The following FGF21 variants were observed in gnomAD, a reference collection of about 807,000 sequenced individuals.
The protein encoded by FGF21 is fibroblast growth factor 21.
Under a neutral mutation model 13.4 loss-of-function variants are expected in FGF21, and 13 were observed. The observed-to-expected ratio is 0.97, with a 90% CI of 0.63 to 1.54. The LOEUF (loss-of-function observed/expected upper bound fraction) is 1.54, where lower values mean the gene tolerates loss of function less well. FGF21 is among the 40% of genes most tolerant of loss of function. The probability of loss-of-function intolerance (pLI) is 0.00; values close to 1 mark genes in which losing one functional copy is unlikely to be tolerated. For missense variants in FGF21, 303 were observed against 272.4 expected, an observed-to-expected ratio of 1.11 and a Z score of -0.79; for synonymous variants, 124 against 123.6, an observed-to-expected ratio of 1.00 and a Z score of -0.02.
rs370017795 is a variant in FGF21 at position 48,757,950 on chromosome 19, C to T, written c.360C>T (p.Ala120=). The change falls in exon 4 of 4, where the codon GCC becomes GCT. Residue 120 remains alanine (A), a synonymous_variant. Transcript: ENST00000593756. ...CCTAGCTCCACTTTGACCCTGAGGC[C>T]TGCAGCTTCCGGGAGCTGCTTCTTG... ...LYGSLHFDPE[A]CSFRELLLED... 1.9e-6 allele frequency: 3 copies of T among 1,577,928 alleles called. No individual in the cohort carries two copies. The highest frequency in any genetic ancestry group is 2.6e-6 in the Non-Finnish European group (3 of 1,161,490).
Position 48,756,988 on chromosome 19 carries a change from A to G in FGF21, c.298A>G (p.Arg100Gly), listed in dbSNP as rs1329137779. 6.2e-7 allele frequency: 1 copy of G among 1,613,984 alleles called. No homozygotes were observed. The highest frequency in any genetic ancestry group is 8.5e-7 in the Non-Finnish European group (1 of 1,179,984). Reference sequence around the variant, plus strand: ...TCAAATCTTGGGAGTCAAGACATCCAGGTTCCTGTGCCAGCGGCCAGATGG... The same window carrying G: ...TCAAATCTTGGGAGTCAAGACATCCGGGTTCCTGTGCCAGCGGCCAGATGG... ...VIQILGVKTS[R>G]FLCQRPDGAL... Residue 100 changes from arginine (R) to glycine (G), a missense_variant, in exon 3 of 4, where the codon AGG becomes GGG. By Grantham distance (125) the Arg-to-Gly change is moderately radical (BLOSUM62 -2). Coordinates refer to ENST00000593756, the MANE Select transcript of FGF21 (RefSeq NM_019113.4).
At chr19:48,757,826 C>T in intron 3 of FGF21, 104 bp from the exon 4 acceptor site, 3 of 1,122,752 alleles carry the variant, frequency 2.7e-6, no homozygotes, top group Non-Finnish European at 3.8e-6. Flanking sequence ...GCGCTGGGGG[C>T]CTGGACCCCT....
intron 2 of FGF21, 92 bp from the exon 3 acceptor site, chr19:48,756,834 G>A (rs1254511836): frequency 1.9e-6 from 2 of 1,042,742 alleles, no homozygotes; most frequent in Non-Finnish European, 1.5e-6. Flanking sequence ...TCCCAGGGCT[G>A]GGACAGAGCC....
Position 48,755,788 on chromosome 19 carries a change from C to G in FGF21, c.-347+4C>G, listed in dbSNP as rs577161557. 1 of 160,720 alleles carries G rather than the reference C, an allele frequency of 6.2e-6. No individual in the cohort carries two copies. The highest frequency in any genetic ancestry group is 1.9e-4 in the South Asian group (1 of 5,384). 10.0% of individuals were successfully genotyped at this position (160,720 alleles called of 1,614,324 possible). A position where few individuals can be genotyped will look rare whatever the true frequency, so the allele number is the denominator to read the frequency against. On this transcript the variant is annotated splice_donor_region_variant and intron_variant, in intron 1 of 3. Transcript: ENST00000593756. ...ACCCCTCCTCCCTCCGACTCAGGTG[C>G]TTGAGACCCCAGATCCTTCTCTCTG...
At chr19:48,756,586 TGGGGATCTGGACTCCTGGGTCTGA>T in intron 2 of FGF21, 115 bp downstream of exon 2, 2 of 251,864 alleles carry the variant, frequency 7.9e-6, no homozygotes, top group Non-Finnish European at 1.1e-5. Flanking sequence ...GAGGAGGGGC[TGGGGATCTGGACTCCTGGGTCTGA>T]GGGAGGAGGG....
Position 48,756,147 on chromosome 19 carries a change from A to T in FGF21, c.-90A>T. ...GCACTCAGGCCACCTGAGTCTACTC[A>T]CCTGGACAACTGGAATCTGGCACCA... On this transcript the variant is annotated 5_prime_UTR_variant, in exon 2 of 4. Coordinates refer to ENST00000593756, the MANE Select transcript of FGF21 (RefSeq NM_019113.4). 8.7e-7 allele frequency: 1 copy of T among 1,143,854 alleles called. No individual in the cohort carries two copies. The highest frequency in any genetic ancestry group is 1.3e-6 in the Non-Finnish European group (1 of 796,862). 70.9% of individuals were successfully genotyped at this position (1,143,854 alleles called of 1,614,324 possible).
chr19:48,755,827 T>C (rs912326846), intron 1 of FGF21, 43 bp downstream of exon 1: 1 of 173,770 alleles, frequency 5.8e-6, no homozygotes. Flanking sequence ...CTCAGGAATG[T>C]GGGCCCCCAG....
chr19:48,756,487 A>G lies in FGF21; in HGVS notation c.235+16A>G. Reference sequence around the variant, plus strand: ...AGCCCCGAAAGTGAGTGTGGGCCAGAGCCTGGGTCTGAGGGAGGAGGGGCT... The same window carrying G: ...AGCCCCGAAAGTGAGTGTGGGCCAGGGCCTGGGTCTGAGGGAGGAGGGGCT... On this transcript the variant is annotated intron_variant, in intron 2 of 3. Coordinates refer to ENST00000593756, the MANE Select transcript of FGF21 (RefSeq NM_019113.4). 1 of 1,605,724 alleles carries G rather than the reference A, an allele frequency of 6.2e-7. No homozygotes were observed. The highest frequency in any genetic ancestry group is 8.5e-7 in the Non-Finnish European group (1 of 1,176,434).
In FGF21 at chr19:48,758,025, C is replaced by T; in HGVS notation, c.435C>T (p.His145=). 6.2e-7 allele frequency: 1 copy of T among 1,613,350 alleles called. No homozygotes were observed. Among genetic ancestry groups the T allele is most frequent in the Non-Finnish European group, 8.5e-7 (1 of 1,179,712 alleles). ...YQSEAHGLPL[H]LPGNKSPHRD... is the part of the protein sequence containing the mutation. The stretch of plus-strand genomic sequence containing the variant: ...CCGAAGCCCACGGCCTCCCGCTGCA[C>T]CTGCCAGGGAACAAGTCCCCACACC... The change falls in exon 4 of 4, where the codon CAC becomes CAT. Residue 145 remains histidine, a synonymous_variant. Transcript: ENST00000593756.
chr19:48,756,580 AGGGGCTGG>A, intron 2 of FGF21, 109 bp downstream of exon 2: 1 of 264,810 alleles, frequency 3.8e-6, no homozygotes, highest in South Asian at 7.6e-5. Context: ...CTGAGGGAGG[AGGGGCTGG>A]GGATCTGGAC....
At chr19:48,757,101 T>A in intron 3 of FGF21, 72 bp downstream of exon 3, 1 of 1,182,682 alleles carries the variant, frequency 8.5e-7, no homozygotes, top group Non-Finnish European at 1.3e-6. Flanking sequence ...CTGGGGTGCC[T>A]TGTCTTGCTC....
rs1351367377 is a variant in FGF21 at position 48,755,576 on chromosome 19, A to G, written c.-555A>G. 2 of 152,210 alleles carry G rather than the reference A, an allele frequency of 1.3e-5. No homozygotes were observed. The highest frequency in any genetic ancestry group is 2.9e-5 in the Non-Finnish European group (2 of 68,096). 9.4% of individuals were successfully genotyped at this position (152,210 alleles called of 1,614,324 possible). On this transcript the variant is annotated 5_prime_UTR_variant, in exon 1 of 4. Transcript: ENST00000593756. ...CCAGGTGAGAGGCTTCCAAGGCAGG[A>G]TACTTGTGTCTCAGATGCGGTCGCT...
In FGF21 at chr19:48,756,449, C is replaced by T. The variant is rs1211087164; in HGVS notation, c.213C>T (p.Gly71=). ...TCAGGGAGGATGGGACGGTGGGGGG[C>T]GCTGCTGACCAGAGCCCCGAAAGTG... ...LEIREDGTVG[G]AADQSPESLL... The change falls in exon 2 of 4, where the codon GGC becomes GGT. Residue 71 remains glycine (G), a synonymous_variant. Coordinates refer to ENST00000593756, the MANE Select transcript of FGF21 (RefSeq NM_019113.4). 15 of 1,612,968 alleles carry T rather than the reference C, an allele frequency of 9.3e-6. No individual in the cohort carries two copies. Among genetic ancestry groups the T allele is most frequent in the South Asian group, 4.4e-5 (4 of 91,050 alleles).
rs764158006 is a variant in FGF21 at position 48,756,326 on chromosome 19, C to T, written c.90C>T (p.Pro30=). Residue 30 remains proline (P), a synonymous_variant, in exon 2 of 4, where the codon CCC becomes CCT. Coordinates refer to ENST00000593756, the MANE Select transcript of FGF21 (RefSeq NM_019113.4). The part of the protein sequence containing the change: ...GLLLGACQAH[P]IPDSSPLLQF... Reference sequence around the variant, plus strand: ...TGCTGGGAGCCTGCCAGGCACACCCCATCCCTGACTCCAGTCCTCTCCTGC... The same window carrying T: ...TGCTGGGAGCCTGCCAGGCACACCCTATCCCTGACTCCAGTCCTCTCCTGC... 3.7e-6 allele frequency: 6 copies of T among 1,613,976 alleles called. No homozygotes were observed. In the South Asian group the frequency reaches 4.4e-5, roughly 12 times the overall value.
chr19:48,757,916 T>C lies in FGF21; in HGVS notation c.340-14T>C. The C allele has an allele frequency of 2.6e-6, 4 of 1,529,262 alleles. No homozygotes were observed. Among genetic ancestry groups the C allele is most frequent in the Non-Finnish European group, 3.5e-6 (4 of 1,138,142 alleles). 94.7% of individuals were successfully genotyped at this position (1,529,262 alleles called of 1,614,324 possible). ...CAGAGGAACCCTGTCTCTGATCCTG[T>C]TTTTGTCCCCTAGCTCCACTTTGAC... On this transcript the variant is annotated splice_polypyrimidine_tract_variant and intron_variant, in intron 3 of 3. Coordinates refer to ENST00000593756, the MANE Select transcript of FGF21 (RefSeq NM_019113.4).
chr19:48,756,171 C>A lies in FGF21; in HGVS notation c.-66C>A. On this transcript the variant is annotated 5_prime_UTR_variant, in exon 2 of 4. Transcript: ENST00000593756. ...CACCTGGACAACTGGAATCTGGCAC[C>A]AATTCTAAACCACTCAGCTTCTCCG... The A allele has an allele frequency of 7.1e-7, 1 of 1,409,410 alleles. No individual in the cohort carries two copies. The highest frequency in any genetic ancestry group is 9.8e-7 in the Non-Finnish European group (1 of 1,023,564). 87.3% of individuals were successfully genotyped at this position (1,409,410 alleles called of 1,614,324 possible).
Position 48,755,900 on chromosome 19 carries a change from T to G in FGF21, c.-337T>G. The G allele has an allele frequency of 4.2e-6, 1 of 238,804 alleles. No individual in the cohort carries two copies. Among genetic ancestry groups the G allele is most frequent in the Non-Finnish European group, 8.1e-6 (1 of 123,186 alleles). 14.8% of individuals were successfully genotyped at this position (238,804 alleles called of 1,614,324 possible). A position where few individuals can be genotyped will look rare whatever the true frequency, so the allele number is the denominator to read the frequency against. Reference sequence around the variant, plus strand: ...CTCCCTCATCCCCTAGACCCAGGAGTCTGGCCCTCCATTGAAAGGACCCCA... The same window carrying G: ...CTCCCTCATCCCCTAGACCCAGGAGGCTGGCCCTCCATTGAAAGGACCCCA... On this transcript the variant is annotated 5_prime_UTR_variant, in exon 2 of 4. Coordinates refer to ENST00000593756, the MANE Select transcript of FGF21 (RefSeq NM_019113.4).
chr19:48,756,295 GTCT>G lies in FGF21; in HGVS notation c.63_65del (p.Leu23del). 1 of 1,614,084 alleles carries G rather than the reference GTCT, an allele frequency of 6.2e-7. No homozygotes were observed. The highest frequency in any genetic ancestry group is 8.5e-7 in the Non-Finnish European group (1 of 1,180,016). On this transcript the variant is annotated inframe_deletion, in exon 2 of 4. Transcript: ENST00000593756. ...GGACTGTGGGTTTCTGTGCTGGCTG[GTCT>G]TCTGCTGGGAGCCTGCCAGGCACAC...
At chr19:48,757,625 G>A (rs1276810885) in intron 3 of FGF21, among the ~76,000 whole-genome samples, 3 of 146,976 alleles carry the variant, frequency 2.0e-5, no homozygotes, top group Non-Finnish European at 4.5e-5. Flanking sequence ...CCCTGGGTCT[G>A]AGGGAGGAGG....
Sources: gnomAD v4.1 joint callset for allele counts (sites outside exome capture counted in the v4.1 genomes callset) on GRCh38, gnomAD v4.1.1 for gene constraint, MANE v1.5 for transcripts, NCBI Gene and HGNC (gene_info 2026-07-23, HGNC 2026-07-21) for gene names.